FAM193A: variants seen among roughly 807,000 people sequenced by gnomAD.
FAM193A encodes family with sequence similarity 193 member A, also known as protein FAM193A.
Under a neutral mutation model 126.5 loss-of-function variants are expected in FAM193A, and 22 were observed. The ratio of observed to expected loss-of-function variants is 0.17; its 90% CI spans 0.12 to 0.25. The LOEUF (loss-of-function observed/expected upper bound fraction) is 0.25. FAM193A is among the 10% of genes least tolerant of loss of function. The pLI, the probability that FAM193A is intolerant of heterozygous loss-of-function variation, is 1.00. For synonymous variants in FAM193A, 761 were observed against 646.8 expected (o/e 1.18, Z -2.68); for missense variants, 1,675 against 1,672.8 (o/e 1.00, Z -0.02).
At chr4:2,676,759 A>G (rs1017902884) in intron 13 of FAM193A, among the ~76,000 whole-genome samples, 5 of 152,010 alleles carry the variant, frequency 3.3e-5, no homozygotes, top group Non-Finnish European at 7.4e-5. Flanking sequence ...TGGCTAACAC[A>G]GTGAAACCCC....
At chr4:2,717,756 A>G (rs80234069) in intron 20 of FAM193A, among the ~76,000 whole-genome samples, 16 of 33,518 alleles carry the variant, frequency 4.8e-4, no homozygotes, top group South Asian at 1.3e-3. Flanking sequence ...CCCTGTCTGA[A>G]AAAAAAAAAA....
intron 12 of FAM193A, among the ~76,000 whole-genome samples, chr4:2,665,116 C>T (rs938346672): frequency 2.0e-5 from 3 of 152,140 alleles, no homozygotes; most frequent in Admixed American, 2.0e-4. Flanking sequence ...TGTGAATATG[C>T]TTTATCTTTC....
intron 1 of FAM193A, among the ~76,000 whole-genome samples, chr4:2,541,701 C>T (rs753596183): frequency 1.5e-4 from 23 of 152,168 alleles, no homozygotes; most frequent in Non-Finnish European, 2.9e-4. Context: ...ACCTTGGCCT[C>T]CCAAAGTGCT....
chr4:2,653,725 A>C (rs1321619237), intron 7 of FAM193A, among the ~76,000 whole-genome samples: 2 of 152,228 alleles, frequency 1.3e-5, no homozygotes, highest in African/African-American at 2.4e-5. Context: ...TACAGGCGTG[A>C]GCCACCATGC....
chr4:2,704,675 T>G (rs1054111126), intron 19 of FAM193A, among the ~76,000 whole-genome samples: 1 of 152,230 alleles, frequency 6.6e-6, no homozygotes, highest in Non-Finnish European at 1.5e-5. Context: ...CAGCAGCATC[T>G]GAGTGCCTGT....
At chr4:2,598,118 T>C (rs1483398134) in intron 2 of FAM193A, among the ~76,000 whole-genome samples, 2 of 152,174 alleles carry the variant, frequency 1.3e-5, no homozygotes, top group African/African-American at 4.8e-5. Context: ...TTGGCCATTA[T>C]GGTCTCGATC....
intron 1 of FAM193A, among the ~76,000 whole-genome samples, chr4:2,539,299 C>T (rs1737077849): frequency 1.3e-5 from 2 of 152,116 alleles, no homozygotes; most frequent in Admixed American, 1.3e-4. Context: ...AGCTTGTGGG[C>T]TCAAGGGATC....
intron 10 of FAM193A, among the ~76,000 whole-genome samples, chr4:2,662,107 T>TG (rs1442008869): frequency 1.3e-5 from 2 of 152,020 alleles, no homozygotes; most frequent in East Asian, 3.9e-4. Context: ...GGCGTGAACC[T>TG]GGGGGGTGGA....
Position 2,657,874 on chromosome 4 carries a change from A to C in FAM193A, c.1383A>C (p.Glu461Asp), listed in dbSNP as rs751420434. 1.2e-5 allele frequency: 20 copies of C among 1,606,140 alleles called. No homozygotes were observed. The highest frequency in any genetic ancestry group is 1.4e-5 in the Non-Finnish European group (17 of 1,174,104). The change falls in exon 8 of 21, where the codon GAA (glutamate) becomes GAC (aspartate). Residue 461 changes from glutamate (E) to aspartate (D), a missense_variant. Coordinates refer to ENST00000637812, the MANE Select transcript of FAM193A (RefSeq NM_001366318.2). The part of the protein sequence containing the change: ...WELFKQRRFI[E>D]EQLTNKKAVT... ...TTTTTAAACAAAGAAGATTCATTGA[A>C]GAACAGGTAAGCTTGTCAATAAGAG...
chr4:2,601,638 G>A (rs767127837), intron 2 of FAM193A, among the ~76,000 whole-genome samples: 1 of 150,920 alleles, frequency 6.6e-6, no homozygotes, highest in Non-Finnish European at 1.5e-5. Context: ...ACCTGTAACC[G>A]TAGTCTTTGG....
intron 1 of FAM193A, among the ~76,000 whole-genome samples, chr4:2,583,405 T>TCCTGTCCCTCTCTTCCCTTCCC (rs1560460009): frequency 1.3e-5 from 2 of 152,222 alleles, no homozygotes; most frequent in Non-Finnish European, 2.9e-5. Flanking sequence ...ACTAGGTCTC[T>TCCTGTCCCTCTCTTCCCTTCCC]CCTGTCCCTC....
intron 6 of FAM193A, among the ~76,000 whole-genome samples, chr4:2,644,468 T>C (rs1186195187): frequency 6.6e-6 from 1 of 152,060 alleles, no homozygotes; most frequent in Non-Finnish European, 1.5e-5. Flanking sequence ...AAAAACTACT[T>C]CACGGGCTGC....
intron 1 of FAM193A, among the ~76,000 whole-genome samples, chr4:2,552,013 T>TTC (rs1173512270): frequency 1.4e-5 from 2 of 145,562 alleles, no homozygotes; most frequent in African/African-American, 5.1e-5. Flanking sequence ...GGTAAATTTT[T>TTC]TTTTTTTTTT....
At position 2,695,148 on chromosome 4, in the gene FAM193A, C is replaced by CA. The variant is rs756745359; in HGVS notation, c.3276+19_3276+20insA. 2 of 1,558,860 alleles carry CA rather than the reference C, an allele frequency of 1.3e-6. No homozygotes were observed. The highest frequency in any genetic ancestry group is 2.4e-5 in the South Asian group (2 of 83,688). ...CGGCGGGGTGAGTGCATGAGGTCAG[C>CA]GCATCATGATGTGGGAAGTGTGCAA... On this transcript the variant is annotated intron_variant, in intron 17 of 20. Transcript: ENST00000637812.
In FAM193A at chr4:2,540,137, C is replaced by T. The variant is rs1335709862; in HGVS notation, c.255+2967C>T. Reference sequence around the variant, plus strand: ...CTGTCTCAAAAAAAAAAAAAAAATCCCATCCTTGTTGACACGGTGAGACCT... The same window carrying T: ...CTGTCTCAAAAAAAAAAAAAAAATCTCATCCTTGTTGACACGGTGAGACCT... On this transcript the variant is annotated intron_variant, in intron 1 of 20. Coordinates refer to ENST00000637812, the MANE Select transcript of FAM193A (RefSeq NM_001366318.2). Among the ~76,000 whole-genome samples the T allele has an allele frequency of 2.0e-5, 3 of 150,764 alleles. No homozygotes were observed. The East Asian group carries it at 5.9e-4, about 30-fold the overall frequency.
chr4:2,554,937 T>C (rs1738165987), intron 1 of FAM193A, among the ~76,000 whole-genome samples: 1 of 152,206 alleles, frequency 6.6e-6, no homozygotes, highest in Non-Finnish European at 1.5e-5. Flanking sequence ...TTTCTATCTT[T>C]TTGCTTTAAA....
intron 1 of FAM193A, among the ~76,000 whole-genome samples, chr4:2,551,221 T>G (rs1737900713): frequency 6.6e-6 from 1 of 152,254 alleles, no homozygotes; most frequent in African/African-American, 2.4e-5. Flanking sequence ...GTTTTACAGG[T>G]TGAATATCCC....
At chr4:2,596,908 T>C (rs148906236) in intron 2 of FAM193A, among the ~76,000 whole-genome samples, 42 of 152,296 alleles carry the variant, frequency 2.8e-4, no homozygotes, top group African/African-American at 9.1e-4. Context: ...CTAGGCCTCT[T>C]CTGTGCCCTT....
intron 1 of FAM193A, among the ~76,000 whole-genome samples, chr4:2,571,054 C>T (rs751084807): frequency 2.3e-4 from 35 of 152,250 alleles, no homozygotes; most frequent in Non-Finnish European, 5.0e-4. Context: ...TGGGGGACTT[C>T]GCAGAGCCTC....
Sources: gnomAD v4.1 joint callset for allele counts (sites outside exome capture counted in the v4.1 genomes callset) on GRCh38, gnomAD v4.1.1 for gene constraint, MANE v1.5 for transcripts, NCBI Gene and HGNC (gene_info 2026-07-23, HGNC 2026-07-21) for gene names.